Variants in BTBD9 observed in about 807,000 individuals in gnomAD.
The protein encoded by BTBD9 is BTB domain containing 9, also known as BTB/POZ domain-containing protein 9.
Under a neutral mutation model 64.3 loss-of-function variants are expected in BTBD9, and 49 were observed. The observed-to-expected ratio is 0.76, with a 90% CI of 0.61 to 0.97. The LOEUF (loss-of-function observed/expected upper bound fraction) is 0.97, where lower values mean the gene tolerates loss of function less well. Ranked by LOEUF, BTBD9 falls within the 50% of genes least tolerant of loss-of-function variation. The pLI is 0.00. For synonymous variants in BTBD9, 260 were observed against 274.7 expected (o/e 0.95, Z 0.53); for missense variants, 598 against 762.1 (o/e 0.78, Z 2.53).
intron 9 of BTBD9, among the ~76,000 whole-genome samples, chr6:38,205,200 T>C (rs751687704): frequency 1.3e-4 from 20 of 152,158 alleles, no homozygotes; most frequent in Non-Finnish European, 2.4e-4. Context: ...TTCCCACATA[T>C]GAAGGACATA....
At chr6:38,425,955 CACA>C (rs1419172874) in intron 6 of BTBD9, among the ~76,000 whole-genome samples, 3 of 146,486 alleles carry the variant, frequency 2.0e-5, no homozygotes, top group African/African-American at 5.1e-5. Context: ...CACACACACA[CACA>C]AACAAAAGCA....
chr6:38,279,437 C>T (rs140215962), intron 8 of BTBD9, among the ~76,000 whole-genome samples: 1 of 144,070 alleles, frequency 6.9e-6, no homozygotes, highest in Non-Finnish European at 1.5e-5. Flanking sequence ...TGAATTAATT[C>T]AAGAATTAGC....
intron 6 of BTBD9, among the ~76,000 whole-genome samples, chr6:38,370,351 TAAAAC>T (rs1285561435): frequency 6.6e-6 from 1 of 152,194 alleles, no homozygotes; most frequent in Non-Finnish European, 1.5e-5. Context: ...CCAAAAAACA[TAAAAC>T]AGAATTGAAA....
chr6:38,215,641 G>C (rs1762988318), intron 9 of BTBD9, among the ~76,000 whole-genome samples: 1 of 152,194 alleles, frequency 6.6e-6, no homozygotes, highest in South Asian at 2.1e-4. Context: ...GCATAAAGTA[G>C]ATTTTCCTAA....
chr6:38,459,922 G>A lies in BTBD9; in HGVS notation c.1155-114829C>T, dbSNP rs572287702. Among the ~76,000 whole-genome samples the A allele has an allele frequency of 7.2e-5, 11 of 152,168 alleles. No individual in the cohort carries two copies. The South Asian group carries it at 2.1e-3, about 29-fold the overall frequency. On this transcript the variant is annotated intron_variant, in intron 6 of 10. Transcript: ENST00000481247. ...GACCTCCAGAATTGATTTGTCTACC[G>A]TGGTTTTACAACATTACGAGAACAG...
intron 1 of BTBD9, among the ~76,000 whole-genome samples, chr6:38,604,137 G>T (rs577437255): frequency 1.9e-4 from 29 of 152,238 alleles, no homozygotes; most frequent in African/African-American, 7.0e-4. Flanking sequence ...TTGCAGAAGA[G>T]AATTATCCTC....
At chr6:38,468,510 T>C (rs1199149353) in intron 6 of BTBD9, among the ~76,000 whole-genome samples, 1 of 152,204 alleles carries the variant, frequency 6.6e-6, no homozygotes, top group Non-Finnish European at 1.5e-5. Context: ...AAGGAAACCT[T>C]CCCTGCAAAT....
At chr6:38,300,271 T>C (rs1762337171) in intron 7 of BTBD9, among the ~76,000 whole-genome samples, 1 of 152,218 alleles carries the variant, frequency 6.6e-6, no homozygotes, top group African/African-American at 2.4e-5. Context: ...CCTTGTAGTG[T>C]AGTTTGAAGT....
At position 38,322,470 on chromosome 6, in the gene BTBD9, C is replaced by T. The variant is rs142064914; in HGVS notation, c.1264+22514G>A. Among the ~76,000 whole-genome samples, 376 of 152,274 alleles carry T rather than the reference C, an allele frequency of 2.5e-3. 3 individuals are homozygous for T. Among genetic ancestry groups the T allele is most frequent in the African/African-American group, 8.1e-3 (338 of 41,556 alleles). On this transcript the variant is annotated intron_variant, in intron 7 of 10. Coordinates refer to ENST00000481247, the MANE Select transcript of BTBD9 (RefSeq NM_001099272.2). ...GCAACATGCCATAAGGAAAATTATA[C>T]CTCCAGCATGAAAATCTGCAATTGG...
chr6:38,480,428 T>C (rs1393302217), intron 6 of BTBD9, among the ~76,000 whole-genome samples: 2 of 152,168 alleles, frequency 1.3e-5, no homozygotes, highest in Non-Finnish European at 2.9e-5. Flanking sequence ...TAGGAGCTCT[T>C]ATGAAAGTGT....
intron 6 of BTBD9, among the ~76,000 whole-genome samples, chr6:38,351,741 T>C (rs1764523730): frequency 6.6e-6 from 1 of 151,932 alleles, no homozygotes; most frequent in African/African-American, 2.4e-5. Flanking sequence ...CTTCGTGATC[T>C]GCCCGCCTCG....
At chr6:38,567,491 C>G (rs1775575190) in intron 6 of BTBD9, among the ~76,000 whole-genome samples, 2 of 152,174 alleles carry the variant, frequency 1.3e-5, no homozygotes, top group African/African-American at 4.8e-5. Context: ...CACTCCAATC[C>G]ACAATCCACT....
At chr6:38,220,965 A>T (rs145616349) in intron 9 of BTBD9, among the ~76,000 whole-genome samples, 1 of 152,364 alleles carries the variant, frequency 6.6e-6, no homozygotes, top group Non-Finnish European at 1.5e-5. Flanking sequence ...CAGTAAATAA[A>T]CAGGCCACTG....
At chr6:38,359,765 G>C (rs113135414) in intron 6 of BTBD9, among the ~76,000 whole-genome samples, 1 of 152,126 alleles carries the variant, frequency 6.6e-6, no homozygotes, top group African/African-American at 2.4e-5. Context: ...GGTTTCCTAG[G>C]AAAGGTGTTC....
At chr6:38,483,167 T>A (rs936350859) in intron 6 of BTBD9, among the ~76,000 whole-genome samples, 6 of 151,986 alleles carry the variant, frequency 3.9e-5, no homozygotes, top group African/African-American at 1.5e-4. Flanking sequence ...CTCCCAGTGA[T>A]ACTTTATCTT....
At chr6:38,513,850 C>T (rs547470888) in intron 6 of BTBD9, among the ~76,000 whole-genome samples, 31 of 152,188 alleles carry the variant, frequency 2.0e-4, no homozygotes, top group Admixed American at 1.1e-3. Flanking sequence ...ATTTTTGTAG[C>T]CTTACTAACA....
chr6:38,572,060 C>G (rs1775796583), intron 6 of BTBD9, among the ~76,000 whole-genome samples: 1 of 151,450 alleles, frequency 6.6e-6, no homozygotes, highest in Non-Finnish European at 1.5e-5. Flanking sequence ...CTTAAAACAC[C>G]TACCCCCCAT....
intron 6 of BTBD9, among the ~76,000 whole-genome samples, chr6:38,386,730 C>A (rs566820624): frequency 6.7e-6 from 1 of 148,654 alleles, no homozygotes; most frequent in South Asian, 2.1e-4. Flanking sequence ...GCAACCTCTG[C>A]CTCCCAGGCT....
intron 7 of BTBD9, among the ~76,000 whole-genome samples, chr6:38,300,679 A>G (rs1762356175): frequency 1.3e-5 from 2 of 152,314 alleles, no homozygotes; most frequent in African/African-American, 4.8e-5. Context: ...CTGGTGTATA[A>G]GAATGTTTGT....
Sources: gnomAD v4.1 joint callset for allele counts (sites outside exome capture counted in the v4.1 genomes callset) on GRCh38, gnomAD v4.1.1 for gene constraint, MANE v1.5 for transcripts, NCBI Gene and HGNC (gene_info 2026-07-23, HGNC 2026-07-21) for gene names.